The following RYR3 variants were observed in gnomAD, a reference collection of about 807,000 sequenced individuals.
The protein encoded by RYR3 is ryanodine receptor 3, also known as brain ryanodine receptor-calcium release channel.
A neutral mutation model predicts 584.3 loss-of-function variants in RYR3; 207 were observed. The observed-to-expected ratio is 0.35, with a 90% CI of 0.32 to 0.40. The LOEUF is 0.40. Ranked by LOEUF, RYR3 falls within the 10% of genes least tolerant of loss-of-function variation. The pLI, the probability that RYR3 is intolerant of heterozygous loss-of-function variation, is 1.00. For synonymous variants in RYR3, 2,416 were observed against 2,248.5 expected (o/e 1.07, Z -2.11); for missense variants, 5,616 against 6,089.2 (o/e 0.92, Z 2.59).
At chr15:33,744,058 A>G (rs574148715) in intron 52 of RYR3, among the ~76,000 whole-genome samples, 4 of 150,978 alleles carry the variant, frequency 2.6e-5, no homozygotes, top group South Asian at 2.1e-4. Context: ...TTTTAGACTC[A>G]CTCTCTCATA....
chr15:33,806,469 A>G (rs12911767), intron 69 of RYR3, among the ~76,000 whole-genome samples: 11,749 of 152,058 alleles, frequency 0.077, 631 homozygotes, highest in Non-Finnish European at 0.11. Flanking sequence ...CCTGGGCAAC[A>G]TAGCGAAACC....
In RYR3 at chr15:33,629,976, G is replaced by A; in HGVS notation, c.2716G>A (p.Val906Met). Residue 906 changes from valine to methionine, a missense_variant, in exon 22 of 104, where the codon GTG becomes ATG. Physicochemically the swap from Val to Met is conservative, Grantham distance 21 (BLOSUM62 1). This residue lies in a region of RYR3 where 1,284 missense variants were observed against 1,344.6 expected (regional missense o/e 0.95). Transcript: ENST00000634891. ...CAATAAAAGACAACACCCTTGCCTT[G>A]TGGAGTTTTCAAAGCTCCCAGAAAC... is the stretch of plus-strand genomic sequence containing the variant. ...DDNKRQHPCL[V>M]EFSKLPETEK... The A allele has an allele frequency of 6.2e-7, 1 of 1,606,816 alleles. No individual in the cohort carries two copies. The highest frequency in any genetic ancestry group is 8.5e-7 in the Non-Finnish European group (1 of 1,176,592).
intron 1 of RYR3, among the ~76,000 whole-genome samples, chr15:33,375,152 ATC>A (rs1232283222): frequency 6.6e-6 from 1 of 152,162 alleles, no homozygotes; most frequent in Non-Finnish European, 1.5e-5. Flanking sequence ...ATTTCTCTGA[ATC>A]TCTGTTTCTT....
chr15:33,453,970 A>G (rs1209138564), intron 1 of RYR3, among the ~76,000 whole-genome samples: 1 of 152,174 alleles, frequency 6.6e-6, no homozygotes, highest in Non-Finnish European at 1.5e-5. Flanking sequence ...GAATTGTTGA[A>G]TTCTTGCCAG....
At chr15:33,583,273 A>T (rs755515436) in intron 14 of RYR3, among the ~76,000 whole-genome samples, 17 of 152,202 alleles carry the variant, frequency 1.1e-4, no homozygotes, top group Non-Finnish European at 2.2e-4. Flanking sequence ...TTATAGTTAC[A>T]TGTTGCTATT....
At chr15:33,864,224 C>CT (rs1567370292) in intron 103 of RYR3, 35 bp downstream of exon 103, 1 of 1,535,580 alleles carries the variant, frequency 6.5e-7, no homozygotes, top group Non-Finnish European at 8.9e-7. Context: ...CGTGTTAGAT[C>CT]TCCCTTTCCT....
chr15:33,859,595 C>T lies in RYR3; in HGVS notation c.14163C>T (p.Tyr4721=), dbSNP rs371505693. 308 of 1,613,934 alleles carry T rather than the reference C, an allele frequency of 1.9e-4. 1 individual carries two copies. In the South Asian group the frequency reaches 2.4e-3, roughly 12 times the overall value. Residue 4721 remains tyrosine (Y), a synonymous_variant, in exon 100 of 104, where the codon TAC becomes TAT. Coordinates refer to ENST00000634891, the MANE Select transcript of RYR3 (RefSeq NM_001036.6). ...TCTAGTGTTACCTTTTCCACATGTA[C>T]GTGGGAGTGAGAGCAGGAGGTGGCA... ...DMMTCYLFHM[Y]VGVRAGGGIG... is the part of the protein sequence containing the mutation.
Position 33,821,258 on chromosome 15 carries a change from T to C in RYR3, c.10816-12T>C, listed in dbSNP as rs1331332837. 4.4e-6 allele frequency: 7 copies of C among 1,580,118 alleles called. No individual in the cohort carries two copies. The highest frequency in any genetic ancestry group is 1.3e-5 in the African/African-American group (1 of 74,192). ...GGAACCAATCTTTCCCTGTGATTTTTTTTCCCCCCAGGAGAAAGAGATGGA... is the reference window on the plus strand; with the variant it reads ...GGAACCAATCTTTCCCTGTGATTTTCTTTCCCCCCAGGAGAAAGAGATGGA... On this transcript the variant is annotated splice_polypyrimidine_tract_variant and intron_variant, in intron 78 of 103. Coordinates refer to ENST00000634891, the MANE Select transcript of RYR3 (RefSeq NM_001036.6).
At chr15:33,749,727 T>C (rs1288671669) in intron 55 of RYR3, among the ~76,000 whole-genome samples, 1 of 152,146 alleles carries the variant, frequency 6.6e-6, no homozygotes, top group African/African-American at 2.4e-5. Context: ...TTCTCATAAA[T>C]GCATCAAACT....
At chr15:33,755,553 C>A (rs2071734177) in intron 58 of RYR3, among the ~76,000 whole-genome samples, 1 of 152,030 alleles carries the variant, frequency 6.6e-6, no homozygotes, top group African/African-American at 2.4e-5. Context: ...ACCTGGGAGG[C>A]AGAGGTTGCA....
At chr15:33,832,501 C>A (rs551511812) in intron 86 of RYR3, among the ~76,000 whole-genome samples, 17 of 151,074 alleles carry the variant, frequency 1.1e-4, no homozygotes, top group Non-Finnish European at 2.4e-4. Flanking sequence ...CTAAAAAATA[C>A]AAAAATTAGC....
At chr15:33,317,410 T>G (rs571924060) in intron 1 of RYR3, among the ~76,000 whole-genome samples, 37 of 152,250 alleles carry the variant, frequency 2.4e-4, no homozygotes, top group Admixed American at 2.0e-3. Flanking sequence ...CAGTTCTCCT[T>G]GGGGAGCCAC....
chr15:33,399,483 CA>C (rs1241672438), intron 1 of RYR3, among the ~76,000 whole-genome samples: 1 of 151,972 alleles, frequency 6.6e-6, no homozygotes, highest in Non-Finnish European at 1.5e-5. Context: ...TATTAAGATA[CA>C]AAAAATAGCT....
At chr15:33,415,494 T>C (rs2043736577) in intron 1 of RYR3, among the ~76,000 whole-genome samples, 1 of 151,468 alleles carries the variant, frequency 6.6e-6, no homozygotes, top group South Asian at 2.1e-4. Flanking sequence ...GTGAAAGAGA[T>C]ACTCTTTTTT....
chr15:33,334,873 A>G (rs575296503), intron 1 of RYR3, among the ~76,000 whole-genome samples: 3 of 152,342 alleles, frequency 2.0e-5, no homozygotes, highest in Non-Finnish European at 4.4e-5. Context: ...AAAGCACATG[A>G]ACAGACGCTT....
intron 12 of RYR3, among the ~76,000 whole-genome samples, chr15:33,567,812 C>T (rs1020011414): frequency 1.3e-5 from 2 of 152,204 alleles, no homozygotes; most frequent in Non-Finnish European, 2.9e-5. Flanking sequence ...TAAGATCCAG[C>T]AACTCATATT....
Position 33,729,774 on chromosome 15 carries a change from T to TA in RYR3, c.7203+754dup, listed in dbSNP as rs1295866009. Among the ~76,000 whole-genome samples, 3 of 152,140 alleles carry TA rather than the reference T, an allele frequency of 2.0e-5. No individual in the cohort carries two copies. The East Asian group carries it at 5.8e-4, about 29-fold the overall frequency. Reference sequence around the variant, plus strand: ...AAGACAAACTAGATCTGCGTAAGTCTAAAAAACATCTTTCCAGTTTAGTGT... The same window carrying TA: ...AAGACAAACTAGATCTGCGTAAGTCTAAAAAAACATCTTTCCAGTTTAGTGT... On this transcript the variant is annotated intron_variant, in intron 47 of 103. Transcript: ENST00000634891.
intron 1 of RYR3, among the ~76,000 whole-genome samples, chr15:33,361,128 C>T (rs1974707764): frequency 6.6e-6 from 1 of 152,312 alleles, no homozygotes; most frequent in South Asian, 2.1e-4. Context: ...GGCCTGGATC[C>T]AGGTCAGCAG....
At chr15:33,858,536 G>A (rs977082433) in intron 99 of RYR3, 1 of 59,606 alleles carries the variant, frequency 1.7e-5, no homozygotes, top group Non-Finnish European at 6.0e-5. Flanking sequence ...AATGAAACCA[G>A]TGTCTAAATT....
Sources: allele counts gnomAD v4.1 joint callset (sites outside exome capture counted in the v4.1 genomes callset), GRCh38; gene constraint gnomAD v4.1.1; regional missense constraint gnomAD v4.1.1; transcripts MANE v1.5; gene names NCBI Gene and HGNC (gene_info 2026-07-23, HGNC 2026-07-21).